Variants in KIRREL2 observed in about 807,000 individuals in gnomAD.
The protein encoded by KIRREL2 is kin of IRRE-like protein 2.
In KIRREL2, 56 loss-of-function variants were observed where a neutral mutation model predicts 73.4. The observed-to-expected ratio is 0.76, with a 90% CI of 0.62 to 0.95. The LOEUF is 0.95. KIRREL2 is among the 40% of genes least tolerant of loss of function. KIRREL2 has a pLI of 0.00. For missense variants in KIRREL2, 896 were observed against 935.0 expected, an observed-to-expected ratio of 0.96 and a Z score of 0.54; for synonymous variants, 407 against 404.0, an observed-to-expected ratio of 1.01 and a Z score of -0.09.
upstream of KIRREL2, chr19:35,851,796 CA>C: frequency 6.4e-7 from 1 of 1,553,328 alleles, no homozygotes; most frequent in Non-Finnish European, 8.7e-7. Flanking sequence ...TCAGCAGCCC[CA>C]GGAGCAGGAG....
In KIRREL2 at chr19:35,866,333, A is replaced by G. The variant is rs1334310173; in HGVS notation, c.1968A>G (p.Arg656=). Residue 656 remains arginine, a synonymous_variant, in exon 15 of 15, where the codon AGA becomes AGG. Transcript: ENST00000360202. ...TGGTCCCCCCCTGCAGACTTTACAG[A>G]GCCAGGGCAGGCTATCTCACCACAC... ...LGMVPPCRLY[R]ARAGYLTTPH... is the part of the protein sequence containing the mutation. 2 of 1,610,360 alleles carry G rather than the reference A, an allele frequency of 1.2e-6. No homozygotes were observed. Among genetic ancestry groups the G allele is most frequent in the Non-Finnish European group, 1.7e-6 (2 of 1,177,820 alleles).
At chr19:35,866,129 C>G in intron 14 of KIRREL2, 28 bp from the exon 15 acceptor site, 1 of 1,589,346 alleles carries the variant, frequency 6.3e-7, no homozygotes, top group Non-Finnish European at 8.5e-7. Context: ...CGCTCACAGA[C>G]TTTACTGAGT....
In KIRREL2 at chr19:35,858,339, C is replaced by G. The variant is rs1973517969; in HGVS notation, c.212-69C>G. The G allele has an allele frequency of 2.2e-5, 35 of 1,560,684 alleles. No individual in the cohort carries two copies. The South Asian group carries it at 3.8e-4, about 17-fold the overall frequency. Reference sequence around the variant, plus strand: ...GGGCCAGTTTTCTGGTGGAGGATGTCTGGGGATGGAGGCCTGAGGCCAGGA... The same window carrying G: ...GGGCCAGTTTTCTGGTGGAGGATGTGTGGGGATGGAGGCCTGAGGCCAGGA... On this transcript the variant is annotated intron_variant, in intron 2 of 14. Transcript: ENST00000360202.
At chr19:35,852,628 C>T (rs566572727), upstream of KIRREL2, among the ~76,000 whole-genome samples, 1 of 152,036 alleles carries the variant, frequency 6.6e-6, no homozygotes, top group Admixed American at 6.5e-5. Context: ...GCGCGTTCCT[C>T]GGTGCCTCCC....
In KIRREL2 at chr19:35,861,507, C is replaced by A. The variant is rs745857629; in HGVS notation, c.1190-34C>A. On this transcript the variant is annotated intron_variant, in intron 9 of 14. Coordinates refer to ENST00000360202, the MANE Select transcript of KIRREL2 (RefSeq NM_199180.4). Reference sequence around the variant, plus strand: ...TTACAGCCTTTGGGGAGGGCAAGACCTCTCCTCTGAGTGACCTACAGTCTC... The same window carrying A: ...TTACAGCCTTTGGGGAGGGCAAGACATCTCCTCTGAGTGACCTACAGTCTC... 8 of 1,603,140 alleles carry A rather than the reference C, an allele frequency of 5.0e-6. No individual in the cohort carries two copies. The South Asian group carries it at 5.5e-5, about 11-fold the overall frequency.
At chr19:35,856,852 A>G (rs1008102897), upstream of KIRREL2, 2 of 541,420 alleles carry the variant, frequency 3.7e-6, no homozygotes, top group Middle Eastern at 5.1e-4. The surrounding 1 kb of genome is among the most constrained non-coding windows in gnomAD (Gnocchi z 5.9). Context: ...AAGAGGGCGG[A>G]GCTCCCGGGG....
chr19:35,864,479 T>C (rs417851), intron 13 of KIRREL2, among the ~76,000 whole-genome samples, 169 bp from the exon 14 acceptor site: 150,866 of 152,300 alleles, frequency 0.99, 74,736 homozygotes, highest in Middle Eastern at 1. Flanking sequence ...CATGAGCCAC[T>C]GTGCTGGCTT....
At chr19:35,865,384 C>A (rs1469202809) in intron 14 of KIRREL2, among the ~76,000 whole-genome samples, 1 of 152,070 alleles carries the variant, frequency 6.6e-6, no homozygotes, top group African/African-American at 2.4e-5. Flanking sequence ...CTCCTGACCT[C>A]AAGTGATCCG....
At position 35,861,132 on chromosome 19, in the gene KIRREL2, C is replaced by T; in HGVS notation, c.1067C>T (p.Ser356Phe). The part of the protein sequence containing the change: ...TRRGGAQVLG[S>F]GATLRLPSVG... ...CCTTCCCTGTCGCAGGTGCTGGGCTCTGGAGCCACACTGCGTCTTCCGTCG... is the reference window on the plus strand; with the variant it reads ...CCTTCCCTGTCGCAGGTGCTGGGCTTTGGAGCCACACTGCGTCTTCCGTCG... Residue 356 changes from serine to phenylalanine, a missense_variant, in exon 9 of 15, where the codon TCT becomes TTT. Coordinates refer to ENST00000360202, the MANE Select transcript of KIRREL2 (RefSeq NM_199180.4). The T allele has an allele frequency of 6.2e-7, 1 of 1,605,106 alleles. No individual in the cohort carries two copies.
At position 35,857,410 on chromosome 19, in the gene KIRREL2, C is replaced by A; in HGVS notation, c.127C>A (p.Leu43Met). 6.2e-7 allele frequency: 1 copy of A among 1,613,060 alleles called. No individual in the cohort carries two copies. The highest frequency in any genetic ancestry group is 1.1e-5 in the South Asian group (1 of 91,026). ...LVVLLGEEAR[L>M]PCALGAYWGL... ...GGTGCTGCTGGGGGAGGAAGCCCGG[C>A]TGCCGTGTGCTCTGGGCGCCTACTG... The change falls in exon 2 of 15, where the codon CTG becomes ATG. Residue 43 changes from leucine (L) to methionine (M), a missense_variant. Transcript: ENST00000360202.
At position 35,864,562 on chromosome 19, in the gene KIRREL2, C is replaced by T. The variant is rs567475224; in HGVS notation, c.1726-86C>T. 9.2e-6 allele frequency: 10 copies of T among 1,083,854 alleles called. No homozygotes were observed. The South Asian group carries it at 1.2e-4, about 13-fold the overall frequency. The allele number at this position is 1,083,854 out of a possible 1,614,324, so 67.1% of individuals were successfully genotyped here. On this transcript the variant is annotated intron_variant, in intron 13 of 14. Coordinates refer to ENST00000360202, the MANE Select transcript of KIRREL2 (RefSeq NM_199180.4). ...CTCTTACTCCCTCCTGCCTGGCCTCCACTGGCTGGCTGAAGGTCCTTGGGG... is the reference window on the plus strand; with the variant it reads ...CTCTTACTCCCTCCTGCCTGGCCTCTACTGGCTGGCTGAAGGTCCTTGGGG...
At chr19:35,866,104 C>A in intron 14 of KIRREL2, 53 bp from the exon 15 acceptor site, 2 of 1,554,576 alleles carry the variant, frequency 1.3e-6, no homozygotes, top group Non-Finnish European at 1.7e-6. Flanking sequence ...ATCAGTGACC[C>A]TCATCCCCCC....
At chr19:35,863,255 A>G (rs1036723324) in intron 13 of KIRREL2, among the ~76,000 whole-genome samples, 1 of 152,014 alleles carries the variant, frequency 6.6e-6, no homozygotes, top group Non-Finnish European at 1.5e-5. Flanking sequence ...CAAAAATACA[A>G]ACTAAAATAA....
chr19:35,865,144 C>T (rs807661), intron 14 of KIRREL2, among the ~76,000 whole-genome samples: 147,511 of 147,512 alleles, frequency 1, 73,755 homozygotes, highest in Non-Finnish European at 1. Context: ...CTCTCTCCTG[C>T]GTACCTAGCA....
In KIRREL2 at chr19:35,861,006, G is replaced by A. The variant is rs774209299; in HGVS notation, c.1026G>A (p.Arg342=). The A allele has an allele frequency of 1.2e-6, 2 of 1,612,626 alleles. No individual in the cohort carries two copies. Among genetic ancestry groups the A allele is most frequent in the South Asian group, 2.2e-5 (2 of 91,010 alleles). Residue 342 remains arginine (R), a synonymous_variant, in exon 8 of 15, where the codon CGG becomes CGA. Coordinates refer to ENST00000360202, the MANE Select transcript of KIRREL2 (RefSeq NM_199180.4). ...SCAWRGNPLP[R]VTWTRRGGAQ... ...CCTGGCGCGGGAACCCGCTTCCACG[G>A]GTAACCTGGACCCGCCGCGGTGGCG...
intron 9 of KIRREL2, 33 bp downstream of exon 9, chr19:35,861,287 C>A: frequency 6.6e-7 from 1 of 1,514,840 alleles, no homozygotes; most frequent in Non-Finnish European, 8.8e-7. Context: ...GGGACCTGGC[C>A]CGTCCTGGGA....
Position 35,861,658 on chromosome 19 carries a change from C to G in KIRREL2, c.1290+17C>G. The stretch of plus-strand genomic sequence containing the variant: ...GATGCCGTGGTAAGGAAATGTCACT[C>G]CTCCCGTGACCCATCCAGCCGTGAT... On this transcript the variant is annotated intron_variant, in intron 10 of 14. Coordinates refer to ENST00000360202, the MANE Select transcript of KIRREL2 (RefSeq NM_199180.4). 1 of 1,609,104 alleles carries G rather than the reference C, an allele frequency of 6.2e-7. No individual in the cohort carries two copies. The highest frequency in any genetic ancestry group is 8.5e-7 in the Non-Finnish European group (1 of 1,176,604).
upstream of KIRREL2, among the ~76,000 whole-genome samples, chr19:35,854,665 G>C (rs955887715): frequency 1.3e-5 from 2 of 152,036 alleles, no homozygotes; most frequent in African/African-American, 4.8e-5. Context: ...AGACTCTCTC[G>C]CTCTCTATAT....
At chr19:35,856,451 T>C (rs1347573502), upstream of KIRREL2, 1 of 154,636 alleles carries the variant, frequency 6.5e-6, no homozygotes, top group Non-Finnish European at 1.4e-5. This position sits in a 1 kb window ranked among gnomAD's most constrained non-coding sequence, Gnocchi z 5.9. Context: ...GGAGTCGAGG[T>C]AGGGGTCCCA....
Sources: allele counts gnomAD v4.1 joint callset (sites outside exome capture counted in the v4.1 genomes callset), GRCh38; gene constraint gnomAD v4.1.1; non-coding constraint Gnocchi (gnomAD v3.1); transcripts MANE v1.5; gene names NCBI Gene and HGNC (gene_info 2026-07-23, HGNC 2026-07-21).